TAFAZZIN: variants seen among roughly 807,000 people sequenced by gnomAD.
TAFAZZIN encodes the protein protein G4.5.
Under a neutral mutation model 27.3 loss-of-function variants are expected in TAFAZZIN, and 6 were observed. The observed-to-expected ratio is 0.22, with a 90% CI of 0.12 to 0.43. The LOEUF is 0.43. TAFAZZIN is among the 20% of genes least tolerant of loss of function. The probability of loss-of-function intolerance (pLI) is 1.00; values close to 1 mark genes in which losing one functional copy is unlikely to be tolerated. For synonymous variants in TAFAZZIN, 79 were observed against 96.2 expected, an observed-to-expected ratio of 0.82 and a Z score of 1.04; for missense variants, 127 against 244.5, an observed-to-expected ratio of 0.52 and a Z score of 3.21.
rs1404707556 is a variant in TAFAZZIN, at chrX:154,411,742, C to T, written c.-102C>T. 14 of 805,830 alleles carry T rather than the reference C, an allele frequency of 1.7e-5. No individual in the cohort carries two copies. Among genetic ancestry groups the T allele is most frequent in the Non-Finnish European group, 2.5e-5 (14 of 558,109 alleles). The allele number at this position is 805,830 out of a possible 1,213,427, so 66.4% of individuals were successfully genotyped here. ...GCGCCCCCGTCCGTCCGTGCGCGGG[C>T]CAGTCAGGGGCCAGTGTCTCGAGCG... On this transcript the variant is annotated 5_prime_UTR_variant, in exon 1 of 11. Transcript: ENST00000601016.
chrX:154,420,821 G>A (rs1011830322), intron 10 of TAFAZZIN, 82 bp from the exon 11 acceptor site: 74 of 1,183,780 alleles, frequency 6.3e-5, no homozygotes, highest in South Asian at 5.4e-4. Flanking sequence ...TCTCCATCCC[G>A]TCACCCTCCC....
chrX:154,412,079 C>T lies in TAFAZZIN; in HGVS notation c.110-7C>T, dbSNP rs1557191043. The T allele has an allele frequency of 8.3e-7, 1 of 1,210,526 alleles. No homozygotes were observed. Among genetic ancestry groups the T allele is most frequent in the Admixed American group, 2.2e-5 (1 of 46,018 alleles). On this transcript the variant is annotated splice_polypyrimidine_tract_variant and splice_region_variant and intron_variant, in intron 1 of 10. Coordinates refer to ENST00000601016, the MANE Select transcript of TAFAZZIN (RefSeq NM_000116.5). Reference sequence around the variant, plus strand: ...CCCGGAGCGCCTGACTTCTCCTTCCCCGCCAGAGTACATGAACCACCTGAC... The same window carrying T: ...CCCGGAGCGCCTGACTTCTCCTTCCTCGCCAGAGTACATGAACCACCTGAC...
chrX:154,412,337 C>T, intron 2 of TAFAZZIN, 123 bp downstream of exon 2: 7 of 967,759 alleles, frequency 7.2e-6, no homozygotes, highest in East Asian at 3.4e-5. Context: ...GGTTTCCGGG[C>T]GTTCTGCCCC....
At chrX:154,420,790 T>A (rs1357427150) in intron 10 of TAFAZZIN, 55 bp downstream of exon 10, 1 of 1,180,353 alleles carries the variant, frequency 8.5e-7, no homozygotes, top group Non-Finnish European at 1.2e-6. Flanking sequence ...GCTGCTGGCT[T>A]CCAGCAGGGT....
chrX:154,416,264 G>T (rs2068488376), intron 5 of TAFAZZIN, among the ~76,000 whole-genome samples: 2 of 111,491 alleles, frequency 1.8e-5, no homozygotes, highest in African/African-American at 6.5e-5. Context: ...GGGCATGGTG[G>T]CAGGTGCCTG....
rs1557190700 is a variant in TAFAZZIN at position 154,411,802 on chromosome X, C to T, written c.-42C>T. The T allele has an allele frequency of 1.8e-6, 2 of 1,127,755 alleles. No individual in the cohort carries two copies. Among genetic ancestry groups the T allele is most frequent in the East Asian group, 3.3e-5 (1 of 30,704 alleles). 92.9% of individuals were successfully genotyped at this position (1,127,755 alleles called of 1,213,427 possible). On this transcript the variant is annotated 5_prime_UTR_variant, in exon 1 of 11. Transcript: ENST00000601016. ...GCAGACCTAGAGGCGCCCCACAGGCCGGCCCGGGGCGCTGGGAGCGCCGGC... is the reference window on the plus strand; with the variant it reads ...GCAGACCTAGAGGCGCCCCACAGGCTGGCCCGGGGCGCTGGGAGCGCCGGC...
At chrX:154,420,348 G>GCAGGAGGA (rs782723072) in intron 9 of TAFAZZIN, 84 bp downstream of exon 9, 18 of 1,084,535 alleles carry the variant, frequency 1.7e-5, no homozygotes, top group Non-Finnish European at 5.1e-6. Flanking sequence ...GAGGCCAGCT[G>GCAGGAGGA]CAGGAGGAGC....
intron 5 of TAFAZZIN, among the ~76,000 whole-genome samples, chrX:154,415,987 G>A (rs782093925): frequency 5.4e-5 from 6 of 110,270 alleles, no homozygotes; most frequent in South Asian, 7.7e-4. Context: ...TGCCAGGCGC[G>A]GTGGCTCATG....
intron 5 of TAFAZZIN, among the ~76,000 whole-genome samples, chrX:154,416,508 C>T (rs192917517): frequency 4.3e-4 from 48 of 111,813 alleles, no homozygotes; most frequent in African/African-American, 1.5e-3. Context: ...ACATGAGGAG[C>T]CCAGTTCAGG....
intron 2 of TAFAZZIN, 38 bp downstream of exon 2, chrX:154,412,252 C>A (rs1557191213): frequency 8.5e-7 from 1 of 1,180,800 alleles, no homozygotes; most frequent in Non-Finnish European, 1.1e-6. Context: ...GGAGGAAAGG[C>A]GAGGATTCGG....
chrX:154,417,159 T>G (rs1297445144), intron 5 of TAFAZZIN, among the ~76,000 whole-genome samples: 1 of 108,051 alleles, frequency 9.3e-6, no homozygotes, highest in African/African-American at 3.4e-5. Flanking sequence ...CAAAAAATTA[T>G]CAGGAATAAA....
chrX:154,420,371 T>TACAGCAGGGG (rs2068595090), intron 9 of TAFAZZIN, 107 bp downstream of exon 9: 2 of 967,081 alleles, frequency 2.1e-6, no homozygotes, highest in African/African-American at 1.9e-5. Flanking sequence ...AGCATGAGGC[T>TACAGCAGGGG]ACAGCAGGGG....
chrX:154,412,302 C>G lies in TAFAZZIN; in HGVS notation c.238+88C>G, dbSNP rs2068335874. On this transcript the variant is annotated intron_variant, in intron 2 of 10. Coordinates refer to ENST00000601016, the MANE Select transcript of TAFAZZIN (RefSeq NM_000116.5). ...CGTCAGAACAAACCCCTTCTCGCTG[C>G]CTTTTCATGGAGCCCTGGCACTCCG... The G allele has an allele frequency of 2.7e-6, 3 of 1,104,245 alleles. No homozygotes were observed. The African/African-American group carries it at 5.5e-5, about 20-fold the overall frequency. The allele number at this position is 1,104,245 out of a possible 1,213,427, so 91.0% of individuals were successfully genotyped here. A position where few individuals can be genotyped will look rare whatever the true frequency, so the allele number is the denominator to read the frequency against.
At position 154,420,741 on chromosome X, in the gene TAFAZZIN, T is replaced by C. The variant is rs782175712; in HGVS notation, c.777+6T>C. 2.5e-5 allele frequency: 30 copies of C among 1,208,353 alleles called. No homozygotes were observed. In the South Asian group the frequency reaches 4.8e-4, roughly 19 times the overall value. ...GGGCGGAGAACAAGTCGGCTGTGAG[T>C]TTCCTCCTGGGTCCCCCGTAGCTGT... On this transcript the variant is annotated splice_donor_region_variant and intron_variant, in intron 10 of 10. Transcript: ENST00000601016.
rs781786197 is a variant in TAFAZZIN at position 154,412,220 on chromosome X, C to T, written c.238+6C>T. On this transcript the variant is annotated splice_donor_region_variant and intron_variant, in intron 2 of 10. Transcript: ENST00000601016. ...GGACGACCCTCATCTCTGGGGTACC[C>T]GGGCCAGTGTGCTGGGCAGGGGGAG... 6.7e-6 allele frequency: 8 copies of T among 1,194,130 alleles called. No individual in the cohort carries two copies. Among genetic ancestry groups the T allele is most frequent in the Non-Finnish European group, 9.0e-6 (8 of 885,936 alleles).
chrX:154,413,628 G>A (rs2068391674), intron 4 of TAFAZZIN, 61 bp downstream of exon 4: 2 of 1,152,310 alleles, frequency 1.7e-6, no homozygotes, highest in African/African-American at 3.5e-5. Context: ...CTGGTGGCCA[G>A]TGTCTCTGTT....
At chrX:154,414,932 T>G (rs2068440202) in intron 5 of TAFAZZIN, among the ~76,000 whole-genome samples, 1 of 101,207 alleles carries the variant, frequency 9.9e-6, no homozygotes, top group African/African-American at 3.7e-5. Context: ...GAGGTTGTGG[T>G]GAGCTGAGAT....
intron 5 of TAFAZZIN, among the ~76,000 whole-genome samples, chrX:154,415,456 ATAGGTAGG>A (rs782679511): frequency 9.0e-6 from 1 of 111,297 alleles, no homozygotes; most frequent in Admixed American, 9.6e-5. Context: ...AGGTAGATAG[ATAGGTAGG>A]TAGGTAGGTA....
At position 154,411,699 on chromosome X, in the gene TAFAZZIN, C is replaced by T; in HGVS notation, c.-145C>T. The T allele has an allele frequency of 1.8e-6, 1 of 559,980 alleles. No individual in the cohort carries two copies. The highest frequency in any genetic ancestry group is 2.6e-5 in the African/African-American group (1 of 38,143). 46.1% of individuals were successfully genotyped at this position (559,980 alleles called of 1,213,427 possible). On this transcript the variant is annotated 5_prime_UTR_variant, in exon 1 of 11. Transcript: ENST00000601016. ...GCCTGACCTGCGAAGGGACCTCGGT[C>T]CAGTCCCCTGTTGCGCCGCGCCCCC...
Sources: gnomAD v4.1 joint callset for allele counts (sites outside exome capture counted in the v4.1 genomes callset) on GRCh38, gnomAD v4.1.1 for gene constraint, MANE v1.5 for transcripts, NCBI Gene and HGNC (gene_info 2026-07-23, HGNC 2026-07-21) for gene names.